Variants in PAN3 observed in about 807,000 individuals in gnomAD.
The protein encoded by PAN3 is poly(A) specific ribonuclease subunit PAN3.
Under a neutral mutation model 96.2 loss-of-function variants are expected in PAN3, and 19 were observed. That is an observed-to-expected ratio of 0.20 (90% CI 0.14 to 0.29). PAN3 has a LOEUF of 0.29. Ranked by LOEUF, PAN3 falls within the 10% of genes least tolerant of loss-of-function variation. PAN3 has a pLI of 1.00. For missense variants in PAN3, 882 were observed against 1,108.1 expected, an observed-to-expected ratio of 0.80 and a Z score of 2.90; for synonymous variants, 433 against 406.6, an observed-to-expected ratio of 1.06 and a Z score of -0.78.
rs35542876 is a variant in PAN3 at position 28,280,555 on chromosome 13, A to ATTTTTTT, written c.2319+32_2319+38dup. 50 of 1,150,704 alleles carry ATTTTTTT rather than the reference A, an allele frequency of 4.3e-5. No individual in the cohort carries two copies. Among genetic ancestry groups the ATTTTTTT allele is most frequent in the South Asian group, 2.4e-4 (13 of 53,978 alleles). 71.3% of individuals were successfully genotyped at this position (1,150,704 alleles called of 1,614,324 possible). ...GACCTTGCAAAGGTAAAGAGTGTAA[A>ATTTTTTT]TTTTTTTTTTTTTTTTTTTTTTTTG... On this transcript the variant is annotated intron_variant, in intron 16 of 18. Coordinates refer to ENST00000380958, the MANE Select transcript of PAN3 (RefSeq NM_175854.8).
chr13:28,252,464 A>T (rs1273814528), intron 6 of PAN3, among the ~76,000 whole-genome samples: 1 of 151,958 alleles, frequency 6.6e-6, no homozygotes. Flanking sequence ...GGTTTTCCAG[A>T]AATAGAATTG....
At chr13:28,223,047 T>C (rs1209046204) in intron 6 of PAN3, among the ~76,000 whole-genome samples, 3 of 152,164 alleles carry the variant, frequency 2.0e-5, no homozygotes, top group African/African-American at 7.2e-5. Context: ...ATATTAAGAG[T>C]GGGTTTCCTC....
intron 4 of PAN3, among the ~76,000 whole-genome samples, chr13:28,182,076 T>C (rs1044240942): frequency 2.0e-5 from 3 of 152,232 alleles, no homozygotes; most frequent in Non-Finnish European, 4.4e-5. Flanking sequence ...AAATGTGATC[T>C]AGACAAGCAT....
chr13:28,195,899 C>T (rs1181681457), intron 4 of PAN3, among the ~76,000 whole-genome samples: 2 of 151,970 alleles, frequency 1.3e-5, no homozygotes, highest in African/African-American at 4.8e-5. Flanking sequence ...ATCTAATTTG[C>T]ATGGAATAAT....
At chr13:28,287,089 A>G (rs1869080198) in intron 17 of PAN3, among the ~76,000 whole-genome samples, 1 of 152,062 alleles carries the variant, frequency 6.6e-6, no homozygotes, top group African/African-American at 2.4e-5. Context: ...ACCCATTCAG[A>G]CACATGACCT....
intron 1 of PAN3, among the ~76,000 whole-genome samples, chr13:28,159,938 ATATTTAT>A (rs1237363169): frequency 6.6e-6 from 1 of 150,790 alleles, no homozygotes; most frequent in Non-Finnish European, 1.5e-5. Flanking sequence ...TTTTTTTTTA[ATATTTAT>A]TTTTTATTTT....
chr13:28,196,263 A>C (rs1338498589), intron 4 of PAN3, among the ~76,000 whole-genome samples: 1 of 152,120 alleles, frequency 6.6e-6, no homozygotes, highest in African/African-American at 2.4e-5. Flanking sequence ...TCAGAGTTTA[A>C]ATTAATTACC....
At chr13:28,185,523 C>T (rs1487162524) in intron 4 of PAN3, among the ~76,000 whole-genome samples, 1 of 152,140 alleles carries the variant, frequency 6.6e-6, no homozygotes, top group Admixed American at 6.6e-5. Flanking sequence ...ATCCAGAAAA[C>T]TTCCTCCAAA....
intron 1 of PAN3, among the ~76,000 whole-genome samples, chr13:28,160,582 G>C (rs750245929): frequency 8.5e-5 from 13 of 152,160 alleles, no homozygotes; most frequent in African/African-American, 2.9e-4. Context: ...TGAAATGTTT[G>C]AAATAAGGCT....
intron 6 of PAN3, among the ~76,000 whole-genome samples, chr13:28,245,549 A>G (rs1307236665): frequency 2.0e-5 from 3 of 152,168 alleles, no homozygotes; most frequent in African/African-American, 2.4e-5. Flanking sequence ...CATAAAATCA[A>G]TCCTTTTAAA....
At chr13:28,150,777 T>C (rs1871271657) in intron 1 of PAN3, among the ~76,000 whole-genome samples, 1 of 152,228 alleles carries the variant, frequency 6.6e-6, no homozygotes, top group Admixed American at 6.5e-5. Context: ...TAAACATTTA[T>C]TGAGTGTTTA....
At chr13:28,200,515 C>T (rs1473700200) in intron 5 of PAN3, among the ~76,000 whole-genome samples, 1 of 152,188 alleles carries the variant, frequency 6.6e-6, no homozygotes, top group Admixed American at 6.5e-5. Context: ...TGCATTTATT[C>T]TCTTCAGTGC....
At chr13:28,166,451 A>C (rs1873550321) in intron 1 of PAN3, among the ~76,000 whole-genome samples, 1 of 152,146 alleles carries the variant, frequency 6.6e-6, no homozygotes, top group African/African-American at 2.4e-5. Context: ...CCACGCCCTT[A>C]TGGCTTTATC....
intron 3 of PAN3, among the ~76,000 whole-genome samples, chr13:28,177,057 G>T (rs1168609315): frequency 6.6e-6 from 1 of 151,984 alleles, no homozygotes; most frequent in Non-Finnish European, 1.5e-5. Flanking sequence ...GTTCCTTTAC[G>T]TAAGGGCATT....
At chr13:28,140,640 CCA>C (rs1869626122) in intron 1 of PAN3, among the ~76,000 whole-genome samples, 3 of 152,266 alleles carry the variant, frequency 2.0e-5, no homozygotes, top group African/African-American at 7.2e-5. Flanking sequence ...CCTGGGCCTC[CCA>C]AAGTGCTGGG....
intron 4 of PAN3, among the ~76,000 whole-genome samples, chr13:28,181,160 A>C (rs982059574): frequency 2.6e-5 from 4 of 152,204 alleles, no homozygotes; most frequent in African/African-American, 9.6e-5. Flanking sequence ...TAAACTAAGA[A>C]ATACGGCTGA....
intron 1 of PAN3, among the ~76,000 whole-genome samples, chr13:28,164,660 A>G (rs1166771472): frequency 6.6e-6 from 1 of 152,240 alleles, no homozygotes; most frequent in Non-Finnish European, 1.5e-5. Flanking sequence ...GGGAAGTTGT[A>G]CAGTAAAGAA....
intron 1 of PAN3, among the ~76,000 whole-genome samples, chr13:28,144,521 G>C (rs889020399): frequency 4.6e-5 from 7 of 151,570 alleles, no homozygotes; most frequent in African/African-American, 1.5e-4. Flanking sequence ...GGCCGGTTTC[G>C]ATAAGTTTTA....
At chr13:28,228,348 A>G (rs1882212403) in intron 6 of PAN3, among the ~76,000 whole-genome samples, 1 of 152,154 alleles carries the variant, frequency 6.6e-6, no homozygotes, top group South Asian at 2.1e-4. Context: ...GTAGGGTCTT[A>G]GTAAAAGGAG....
Sources: allele counts gnomAD v4.1 joint callset (sites outside exome capture counted in the v4.1 genomes callset), GRCh38; gene constraint gnomAD v4.1.1; transcripts MANE v1.5; gene names NCBI Gene and HGNC (gene_info 2026-07-23, HGNC 2026-07-21).